PSG11: variants seen among roughly 807,000 people sequenced by gnomAD.
PSG11 encodes the protein pregnancy-specific beta-1-glycoprotein 11.
Under a neutral mutation model 36.0 loss-of-function variants are expected in PSG11, and 42 were observed. The observed-to-expected ratio is 1.17, with a 90% CI of 0.91 to 1.51. The LOEUF is 1.51. Among genes scored for constraint, PSG11 ranks in the 40% most tolerant of loss-of-function variants. The probability of loss-of-function intolerance (pLI) is 0.00; values close to 1 mark genes in which losing one functional copy is unlikely to be tolerated. For synonymous variants in PSG11, 206 were observed against 153.5 expected (o/e 1.34, Z -2.53); for missense variants, 558 against 403.5 (o/e 1.38, Z -3.28).
At chr19:43,017,781 C>T (rs1967003266) in intron 3 of PSG11, among the ~76,000 whole-genome samples, 1 of 151,446 alleles carries the variant, frequency 6.6e-6, no homozygotes, top group South Asian at 2.1e-4. Flanking sequence ...TCTTTAATTT[C>T]TTTCAGCAAT....
chr19:43,021,492 C>T (rs897437645), intron 2 of PSG11, among the ~76,000 whole-genome samples: 1 of 151,358 alleles, frequency 6.6e-6, no homozygotes, highest in African/African-American at 2.4e-5. Flanking sequence ...GCTGGTACTA[C>T]AGGTGCCCAC....
intron 5 of PSG11, among the ~76,000 whole-genome samples, chr19:43,009,399 T>A (rs920119668): frequency 6.6e-6 from 1 of 151,286 alleles, no homozygotes; most frequent in Non-Finnish European, 1.5e-5. Flanking sequence ...CAGGGATGTG[T>A]AGGAAGACAG....
chr19:43,018,792 G>T lies in PSG11; in HGVS notation c.687C>A (p.Asp229Glu). The T allele has an allele frequency of 6.2e-7, 1 of 1,612,120 alleles. No homozygotes were observed. The highest frequency in any genetic ancestry group is 8.5e-7 in the Non-Finnish European group (1 of 1,179,082). Residue 229 changes from aspartate (D) to glutamate (E), a missense_variant, in exon 3 of 6, where the codon GAC becomes GAA. Physicochemically the swap from Asp to Glu is conservative, Grantham distance 45. Coordinates refer to ENST00000320078, the MANE Select transcript of PSG11 (RefSeq NM_002785.3). ...CACGGAGGAGATTCAGGGTGACTGG[G>T]TCACTGCGGCTGGCACTCCCTGAGT... The part of the protein sequence containing the change: ...IWNSGSASRS[D>E]PVTLNLLHGP...
chr19:43,014,761 A>G (rs1966915259), intron 4 of PSG11: 1 of 1,228,546 alleles, frequency 8.1e-7, no homozygotes, highest in South Asian at 2.6e-5. Flanking sequence ...AAGAGGTACA[A>G]GAAAACAAAG....
At chr19:43,026,038 T>G (rs1967246061) in intron 1 of PSG11, among the ~76,000 whole-genome samples, 1 of 146,862 alleles carries the variant, frequency 6.8e-6, no homozygotes, top group Non-Finnish European at 1.5e-5. Context: ...GCCACCCTGG[T>G]TCACGTGATT....
chr19:43,023,181 T>C (rs1967145566), intron 2 of PSG11, among the ~76,000 whole-genome samples: 1 of 149,934 alleles, frequency 6.7e-6, no homozygotes, highest in African/African-American at 2.5e-5. Flanking sequence ...CAAGAGGTAG[T>C]GGGGGGATGA....
chr19:43,016,769 T>A (rs1209307148), intron 3 of PSG11, among the ~76,000 whole-genome samples: 1 of 151,542 alleles, frequency 6.6e-6, no homozygotes, highest in Non-Finnish European at 1.5e-5. Context: ...CAGAACCATG[T>A]TCCCTGTCCT....
At chr19:43,020,601 G>T (rs1057450666) in intron 2 of PSG11, among the ~76,000 whole-genome samples, 4 of 151,344 alleles carry the variant, frequency 2.6e-5, no homozygotes, top group African/African-American at 9.7e-5. Flanking sequence ...TTTCTCTTGA[G>T]ACCAACATAA....
chr19:43,010,054 G>T lies in PSG11; in HGVS notation c.965-13C>A, dbSNP rs749471553. On this transcript the variant is annotated splice_polypyrimidine_tract_variant and intron_variant, in intron 4 of 5. Transcript: ENST00000320078. ...AATCCTGGAGGAGCTGTCATGGAAA[G>T]AAAAGAAAAGAAGGAATGAAGGTGA... The T allele has an allele frequency of 2.5e-6, 4 of 1,605,816 alleles. 1 individual carries two copies. The South Asian group carries it at 3.3e-5, about 13-fold the overall frequency.
rs930808826 is a variant in PSG11, at chr19:43,023,393, A to C, written c.430+1298T>G. On this transcript the variant is annotated intron_variant, in intron 2 of 5. Coordinates refer to ENST00000320078, the MANE Select transcript of PSG11 (RefSeq NM_002785.3). The stretch of plus-strand genomic sequence containing the variant: ...TAGGGAGTGAGTGGGGAAAGAAAAC[A>C]AGGTCCTCTCCTTGATCCTCTCATG... Among the ~76,000 whole-genome samples, 12 of 150,604 alleles carry C rather than the reference A, an allele frequency of 8.0e-5. 1 individual carries two copies. The highest frequency in any genetic ancestry group is 3.3e-4 in the Admixed American group (5 of 15,104).
At chr19:43,011,036 C>G (rs967771962) in intron 4 of PSG11, among the ~76,000 whole-genome samples, 24 of 150,836 alleles carry the variant, frequency 1.6e-4, no homozygotes, top group African/African-American at 5.4e-4. Context: ...TTCCATTTTG[C>G]CAATGAAAAG....
At chr19:43,015,393 A>G (rs1234434193) in intron 3 of PSG11, 23 bp from the exon 4 acceptor site, 4 of 1,599,074 alleles carry the variant, frequency 2.5e-6, no homozygotes, top group African/African-American at 2.7e-5. Context: ...GAATAAAGCC[A>G]CAGTTGATGT....
chr19:43,009,913 C>A, intron 5 of PSG11, 45 bp downstream of exon 5: 1 of 1,423,876 alleles, frequency 7.0e-7, no homozygotes, highest in Middle Eastern at 1.7e-4. Flanking sequence ...CCAAGCATGG[C>A]AGTCAGCCCT....
rs963364910 is a variant in PSG11 at position 43,015,710 on chromosome 19, G to T, written c.710-340C>A. ...GACCGGAGAGAGACTGAGAGGCCTGGCCCCTGGTCGTTTGGATTTAAGCTG... is the reference window on the plus strand; with the variant it reads ...GACCGGAGAGAGACTGAGAGGCCTGTCCCCTGGTCGTTTGGATTTAAGCTG... On this transcript the variant is annotated intron_variant, in intron 3 of 5. Coordinates refer to ENST00000320078, the MANE Select transcript of PSG11 (RefSeq NM_002785.3). 9 of 1,597,448 alleles carry T rather than the reference G, an allele frequency of 5.6e-6. No homozygotes were observed. The African/African-American group carries it at 9.5e-5, about 17-fold the overall frequency.
chr19:43,014,222 T>G (rs1966898990), intron 4 of PSG11: 1 of 581,546 alleles, frequency 1.7e-6, no homozygotes, highest in Non-Finnish European at 2.2e-6. Flanking sequence ...ATTGCACACT[T>G]AGAAACAGTT....
At chr19:43,025,342 G>T in intron 1 of PSG11, 1 of 462,282 alleles carries the variant, frequency 2.2e-6, no homozygotes, top group Admixed American at 3.7e-5. Context: ...CTTCCCCAGG[G>T]GTCCGCATGG....
At chr19:43,012,973 C>G (rs566487711) in intron 4 of PSG11, among the ~76,000 whole-genome samples, 2 of 151,342 alleles carry the variant, frequency 1.3e-5, no homozygotes, top group African/African-American at 4.9e-5. Context: ...GAAAGAAATG[C>G]TTGCATATAT....
chr19:43,015,408 T>C, intron 3 of PSG11, 38 bp from the exon 4 acceptor site: 2 of 1,585,654 alleles, frequency 1.3e-6, no homozygotes, highest in Non-Finnish European at 1.7e-6. Flanking sequence ...TGATGTCATC[T>C]GAGGGAAGGG....
chr19:43,011,242 A>G (rs1974070399), intron 4 of PSG11, among the ~76,000 whole-genome samples: 1 of 151,254 alleles, frequency 6.6e-6, no homozygotes, highest in Admixed American at 6.6e-5. Flanking sequence ...TGGTACGAAG[A>G]AAACACTCTC....
Sources: gnomAD v4.1 joint callset for allele counts (sites outside exome capture counted in the v4.1 genomes callset) on GRCh38, gnomAD v4.1.1 for gene constraint, MANE v1.5 for transcripts, NCBI Gene and HGNC (gene_info 2026-07-23, HGNC 2026-07-21) for gene names.